FHIT: variants seen among roughly 807,000 people sequenced by gnomAD.
FHIT encodes bis(5'-adenosyl)-triphosphatase.
In FHIT, 19 loss-of-function variants were observed where a neutral mutation model predicts 17.9. That is an observed-to-expected ratio of 1.06 (90% CI 0.74 to 1.56). FHIT has a LOEUF of 1.56. FHIT is among the 40% of genes most tolerant of loss of function. The pLI is 0.00. For synonymous variants in FHIT, 81 were observed against 69.7 expected, an observed-to-expected ratio of 1.16 and a Z score of -0.81; for missense variants, 248 against 189.2, an observed-to-expected ratio of 1.31 and a Z score of -1.82.
At chr3:59,766,384 G>A (rs774370652) in intron 8 of FHIT, among the ~76,000 whole-genome samples, 7 of 152,190 alleles carry the variant, frequency 4.6e-5, no homozygotes. Context: ...CCATATAAAA[G>A]TACTGGAGTT....
intron 5 of FHIT, among the ~76,000 whole-genome samples, chr3:60,519,740 A>G (rs2035290717): frequency 6.6e-6 from 1 of 152,186 alleles, no homozygotes; most frequent in Non-Finnish European, 1.5e-5. Context: ...CTTTTCTTGT[A>G]ACATCATGGC....
At position 60,565,726 on chromosome 3, in the gene FHIT, G is replaced by A. The variant is rs141638351; in HGVS notation, c.-17-28747C>T. ...CAAAAAACCAGCTCCTGGATTCACT[G>A]ATTTTTTGAAGGGTTTTTTGTGTCT... On this transcript the variant is annotated intron_variant, in intron 4 of 9. Transcript: ENST00000492590. Among the ~76,000 whole-genome samples the A allele has an allele frequency of 9.4e-3, 1,435 of 152,276 alleles. 31 individuals carry two copies. Among genetic ancestry groups the A allele is most frequent in the African/African-American group, 0.033 (1,372 of 41,556 alleles).
chr3:61,118,040 G>T (rs933821220), intron 2 of FHIT, among the ~76,000 whole-genome samples: 5 of 152,106 alleles, frequency 3.3e-5, no homozygotes, highest in Admixed American at 3.3e-4. Flanking sequence ...TTAATAAGGA[G>T]AAACTGATTC....
chr3:60,102,858 C>G (rs1425982096), intron 5 of FHIT, among the ~76,000 whole-genome samples: 1 of 152,160 alleles, frequency 6.6e-6, no homozygotes, highest in Non-Finnish European at 1.5e-5. Flanking sequence ...TCAAACCACA[C>G]AAGTCCCGTG....
chr3:60,129,603 G>A (rs546331774), intron 5 of FHIT, among the ~76,000 whole-genome samples: 5 of 152,084 alleles, frequency 3.3e-5, no homozygotes, highest in African/African-American at 1.2e-4. Flanking sequence ...TATTATGTAC[G>A]TAAAGTCCTA....
chr3:60,004,862 A>G (rs1284493249), intron 7 of FHIT, among the ~76,000 whole-genome samples: 2 of 152,180 alleles, frequency 1.3e-5, no homozygotes, highest in South Asian at 2.1e-4. Flanking sequence ...GTGAACATGT[A>G]TTGAGACTTT....
intron 4 of FHIT, among the ~76,000 whole-genome samples, chr3:60,784,381 G>C (rs1700494551): frequency 6.8e-6 from 1 of 146,476 alleles, no homozygotes; most frequent in Non-Finnish European, 1.5e-5. Flanking sequence ...CTGTCACCCA[G>C]GCTGGGGTGC....
chr3:61,189,521 T>C (rs180943112), intron 2 of FHIT, among the ~76,000 whole-genome samples: 576 of 152,292 alleles, frequency 3.8e-3, no homozygotes, highest in Non-Finnish European at 6.0e-3. Flanking sequence ...AGGTAATTTG[T>C]AGATTCAATG....
intron 6 of FHIT, among the ~76,000 whole-genome samples, chr3:60,013,217 G>T (rs1700208860): frequency 6.6e-6 from 1 of 152,172 alleles, no homozygotes; most frequent in Non-Finnish European, 1.5e-5. Flanking sequence ...AGCTAAGGAG[G>T]GGAGGAAGAA....
intron 4 of FHIT, among the ~76,000 whole-genome samples, chr3:60,643,840 A>G (rs781803475): frequency 6.6e-6 from 1 of 152,198 alleles, no homozygotes; most frequent in Non-Finnish European, 1.5e-5. Flanking sequence ...CATTAGAATC[A>G]TCTGATATTT....
chr3:60,532,301 A>G (rs1483364693), intron 5 of FHIT, among the ~76,000 whole-genome samples: 2 of 152,208 alleles, frequency 1.3e-5, no homozygotes, highest in African/African-American at 4.8e-5. Context: ...GACAGAACAA[A>G]TGAATAATTT....
intron 1 of FHIT, among the ~76,000 whole-genome samples, chr3:61,214,281 G>C (rs2039594136): frequency 6.6e-6 from 1 of 152,156 alleles, no homozygotes; most frequent in South Asian, 2.1e-4. Flanking sequence ...AAGAAGAAAA[G>C]AGAGAAGAAT....
intron 8 of FHIT, among the ~76,000 whole-genome samples, chr3:59,827,908 G>A (rs751383960): frequency 5.3e-5 from 8 of 152,130 alleles, no homozygotes; most frequent in Non-Finnish European, 8.8e-5. Context: ...GGAATCCATC[G>A]TTCTCTGCAA....
intron 2 of FHIT, among the ~76,000 whole-genome samples, chr3:61,106,707 G>A (rs1411941463): frequency 6.6e-6 from 1 of 152,126 alleles, no homozygotes; most frequent in Admixed American, 6.5e-5. Context: ...TGTCGCCCAG[G>A]CTGGAGTGAA....
chr3:59,998,776 C>A (rs1181299870), intron 7 of FHIT, among the ~76,000 whole-genome samples: 2 of 152,142 alleles, frequency 1.3e-5, no homozygotes, highest in African/African-American at 4.8e-5. Flanking sequence ...TCCCTACAGA[C>A]TCTCAGAGAA....
chr3:60,106,504 C>G lies in FHIT; in HGVS notation c.104-92352G>C, dbSNP rs535756881. 2.6e-5 allele frequency among the ~76,000 whole-genome samples: 4 copies of G among 152,296 alleles called. No homozygotes were observed. In the East Asian group the frequency reaches 7.7e-4, roughly 29 times the overall value. On this transcript the variant is annotated intron_variant, in intron 5 of 9. Transcript: ENST00000492590. Reference sequence around the variant, plus strand: ...TAAATCTGTGAAAGGAAGACATGAACAGAAATGTGTTCGTTCCTACTGATG... The same window carrying G: ...TAAATCTGTGAAAGGAAGACATGAAGAGAAATGTGTTCGTTCCTACTGATG...
intron 4 of FHIT, among the ~76,000 whole-genome samples, chr3:60,802,053 G>A (rs1481561686): frequency 1.3e-5 from 2 of 152,138 alleles, no homozygotes; most frequent in African/African-American, 4.8e-5. Context: ...AGCCCAGCAA[G>A]GACTCAAATG....
intron 5 of FHIT, among the ~76,000 whole-genome samples, chr3:60,499,625 C>G (rs1336364681): frequency 6.6e-6 from 1 of 152,020 alleles, no homozygotes; most frequent in East Asian, 1.9e-4. Context: ...GTGATCCGCC[C>G]GCCTCGGCCT....
At chr3:59,866,907 G>A (rs752313005) in intron 8 of FHIT, among the ~76,000 whole-genome samples, 1 of 151,930 alleles carries the variant, frequency 6.6e-6, no homozygotes, top group Non-Finnish European at 1.5e-5. Flanking sequence ...AAGGTTTTAT[G>A]TCACCGCTGC....
Sources: gnomAD v4.1 joint callset for allele counts (sites outside exome capture counted in the v4.1 genomes callset) on GRCh38, gnomAD v4.1.1 for gene constraint, MANE v1.5 for transcripts, NCBI Gene and HGNC (gene_info 2026-07-23, HGNC 2026-07-21) for gene names.